The following RIN3 variants were observed in gnomAD, a reference collection of about 807,000 sequenced individuals.
RIN3 encodes Ras and Rab interactor 3.
In RIN3, 54 loss-of-function variants were observed where a neutral mutation model predicts 76.3. The observed-to-expected ratio is 0.71, with a 90% CI of 0.57 to 0.89. The LOEUF (loss-of-function observed/expected upper bound fraction) is 0.89. RIN3 is among the 40% of genes least tolerant of loss of function. The probability of loss-of-function intolerance (pLI) is 0.00; values close to 1 mark genes in which losing one functional copy is unlikely to be tolerated. For synonymous variants in RIN3, 576 were observed against 564.0 expected, an observed-to-expected ratio of 1.02 and a Z score of -0.30; for missense variants, 1,256 against 1,322.1, an observed-to-expected ratio of 0.95 and a Z score of 0.78.
At chr14:92,604,878 G>A (rs1224850298) in intron 3 of RIN3, among the ~76,000 whole-genome samples, 3 of 145,258 alleles carry the variant, frequency 2.1e-5, no homozygotes, top group Non-Finnish European at 4.5e-5. Flanking sequence ...TTCTGTTGAG[G>A]CTTCCTGTCA....
intron 1 of RIN3, among the ~76,000 whole-genome samples, chr14:92,534,913 G>A (rs1896961795): frequency 6.6e-6 from 1 of 152,170 alleles, no homozygotes; most frequent in South Asian, 2.1e-4. Context: ...AAAATTTGGA[G>A]TGTACAGAAA....
chr14:92,615,299 G>A, intron 3 of RIN3, 108 bp from the exon 4 acceptor site: 1 of 879,506 alleles, frequency 1.1e-6, no homozygotes, highest in Non-Finnish European at 1.9e-6. Context: ...ATGGGACCCA[G>A]AATGTGTGCA....
At chr14:92,631,622 G>A (rs571242694) in intron 4 of RIN3, among the ~76,000 whole-genome samples, 1 of 151,214 alleles carries the variant, frequency 6.6e-6, no homozygotes, top group Admixed American at 6.6e-5. Flanking sequence ...GGGAGTGGGG[G>A]TTGGAGTCTC....
Position 92,681,495 on chromosome 14 carries a change from A to G in RIN3, c.2468-3492A>G, listed in dbSNP as rs57046807. ...CTCATTTCCTTTTCACAACTTTATG[A>G]TGTTTGCAGATAAGGAAACTGAGGC... On this transcript the variant is annotated intron_variant, in intron 8 of 9. Coordinates refer to ENST00000216487, the MANE Select transcript of RIN3 (RefSeq NM_024832.5). The surrounding 1 kb of genome is among the most constrained non-coding windows in gnomAD (Gnocchi z 4.7). 0.048 allele frequency among the ~76,000 whole-genome samples: 7,242 copies of G among 152,256 alleles called. 282 individuals are homozygous for G. The highest frequency in any genetic ancestry group is 0.11 in the African/African-American group (4,462 of 41,542).
chr14:92,592,077 G>A (rs1448619749), intron 3 of RIN3, among the ~76,000 whole-genome samples: 1 of 152,128 alleles, frequency 6.6e-6, no homozygotes. Flanking sequence ...ACAAGGAATG[G>A]GAGGAAGAAA....
intron 4 of RIN3, among the ~76,000 whole-genome samples, chr14:92,634,807 G>A (rs751157548): frequency 8.1e-5 from 12 of 147,686 alleles, no homozygotes; most frequent in Non-Finnish European, 1.3e-4. Context: ...GCAGTGAGCC[G>A]AGATCACACC....
At chr14:92,651,454 TC>T (rs1371744673) in intron 5 of RIN3, 127 bp from the exon 6 acceptor site, 38 of 600,030 alleles carry the variant, frequency 6.3e-5, no homozygotes, top group Non-Finnish European at 8.8e-5. Flanking sequence ...AACCTCAACC[TC>T]GGAGTAGTGA....
In RIN3 at chr14:92,623,094, C is replaced by A. The variant is rs1002909949; in HGVS notation, c.440+7615C>A. ...GCTATTGCGATTGCGAGAGAGGTAA[C>A]AATAGAGGCCATGAGTCCTTTCCAT... On this transcript the variant is annotated intron_variant, in intron 4 of 9. Coordinates refer to ENST00000216487, the MANE Select transcript of RIN3 (RefSeq NM_024832.5). The surrounding 1 kb of genome is among the most constrained non-coding windows in gnomAD (Gnocchi z 4.9). 6.6e-6 allele frequency among the ~76,000 whole-genome samples: 1 copy of A among 152,208 alleles called. No individual in the cohort carries two copies. Among genetic ancestry groups the A allele is most frequent in the Non-Finnish European group, 1.5e-5 (1 of 68,036 alleles).
intron 3 of RIN3, among the ~76,000 whole-genome samples, chr14:92,612,679 G>A (rs573852183): frequency 6.6e-6 from 1 of 152,378 alleles, no homozygotes; most frequent in South Asian, 2.1e-4. Context: ...TGTTTGCATA[G>A]TCAGGAATGG....
rs1296817724 is a variant in RIN3, at chr14:92,656,122, A to C, written c.2027-3039A>C. On this transcript the variant is annotated intron_variant, in intron 6 of 9. Transcript: ENST00000216487. This position sits in a 1 kb window ranked among gnomAD's most constrained non-coding sequence, Gnocchi z 5.2. ...TGGAAAACTCCAAGTGGCCCAGAGGAAACTGTGGTCAGCCCTGCCTTCCAG... is the reference window on the plus strand; with the variant it reads ...TGGAAAACTCCAAGTGGCCCAGAGGCAACTGTGGTCAGCCCTGCCTTCCAG... Among the ~76,000 whole-genome samples, 3 of 152,162 alleles carry C rather than the reference A, an allele frequency of 2.0e-5. No individual in the cohort carries two copies. Among genetic ancestry groups the C allele is most frequent in the Non-Finnish European group, 2.9e-5 (2 of 68,008 alleles).
chr14:92,688,318 C>A lies in RIN3; in HGVS notation c.*66C>A. On this transcript the variant is annotated 3_prime_UTR_variant, in exon 10 of 10. Coordinates refer to ENST00000216487, the MANE Select transcript of RIN3 (RefSeq NM_024832.5). ...CTGGCCCCGCCTCTGGCTGCGCACT[C>A]CCGACCGCGACGTCCACGCAGCAGA... The A allele has an allele frequency of 7.1e-7, 1 of 1,402,226 alleles. No individual in the cohort carries two copies. Among genetic ancestry groups the A allele is most frequent in the Non-Finnish European group, 9.4e-7 (1 of 1,058,600 alleles). The allele number at this position is 1,402,226 out of a possible 1,614,324, so 86.9% of individuals were successfully genotyped here. A position where few individuals can be genotyped will look rare whatever the true frequency, so the allele number is the denominator to read the frequency against.
intron 7 of RIN3, among the ~76,000 whole-genome samples, chr14:92,664,078 G>A (rs1887984568): frequency 6.6e-6 from 1 of 152,142 alleles, no homozygotes; most frequent in African/African-American, 2.4e-5. Flanking sequence ...TGAACTCAGT[G>A]GTTTTCAAGA....
chr14:92,662,039 C>T (rs1328972334), intron 7 of RIN3, among the ~76,000 whole-genome samples: 1 of 152,236 alleles, frequency 6.6e-6, no homozygotes, highest in Non-Finnish European at 1.5e-5. Flanking sequence ...GGACAGCCTG[C>T]AGAGCCCAGA....
intron 2 of RIN3, among the ~76,000 whole-genome samples, chr14:92,558,887 C>CTTTTTTTTTTT (rs61202055): frequency 3.1e-5 from 4 of 130,738 alleles, no homozygotes; most frequent in East Asian, 2.2e-4. Context: ...CTTTTCTTTT[C>CTTTTTTTTTTT]TTTTTTTTTT....
At chr14:92,576,228 A>T (rs928162153) in intron 2 of RIN3, 7 of 1,277,216 alleles carry the variant, frequency 5.5e-6, no homozygotes, top group Non-Finnish European at 4.1e-6. Context: ...GCCAAGACTC[A>T]AAGGACATTT....
Position 92,646,286 on chromosome 14 carries a change from G to A in RIN3, c.532+4957G>A, listed in dbSNP as rs1438188909. ...TGCCTGCAGTGGAAAACAGCATGGC[G>A]CCCTTTTGCCAAGGAAGCCTGGATT... On this transcript the variant is annotated intron_variant, in intron 5 of 9. Coordinates refer to ENST00000216487, the MANE Select transcript of RIN3 (RefSeq NM_024832.5). Among the ~76,000 whole-genome samples, 4 of 152,176 alleles carry A rather than the reference G, an allele frequency of 2.6e-5. 1 individual carries two copies. Among genetic ancestry groups the A allele is most frequent in the Admixed American group, 1.3e-4 (2 of 15,290 alleles).
Position 92,685,132 on chromosome 14 carries a change from C to G in RIN3, c.2613C>G (p.Ala871=). The change falls in exon 9 of 10, where the codon GCC becomes GCG. Residue 871 remains alanine, a synonymous_variant. Transcript: ENST00000216487. This position sits in a 1 kb window ranked among gnomAD's most constrained non-coding sequence, Gnocchi z 4.7. ...GGCGTACTCTCAACAAGGCCCGGGC[C>G]TCCCGCTCCTCCGTACAGGTGAGGC... ...ERRRTLNKAR[A]SRSSVQDFIC... 6.2e-7 allele frequency: 1 copy of G among 1,611,800 alleles called. No homozygotes were observed. The highest frequency in any genetic ancestry group is 1.3e-5 in the African/African-American group (1 of 75,026).
Position 92,547,770 on chromosome 14 carries a change from C to G in RIN3, c.45-7981C>G, listed in dbSNP as rs529382299. 2.0e-5 allele frequency among the ~76,000 whole-genome samples: 3 copies of G among 152,196 alleles called. No individual in the cohort carries two copies. In the East Asian group the frequency reaches 5.8e-4, roughly 29 times the overall value. On this transcript the variant is annotated intron_variant, in intron 1 of 9. Coordinates refer to ENST00000216487, the MANE Select transcript of RIN3 (RefSeq NM_024832.5). ...CCAGGCTGGAGTGCAGTGGCACCATCTCAGCTCACTGCAACCTCTGCATCC... is the reference window on the plus strand; with the variant it reads ...CCAGGCTGGAGTGCAGTGGCACCATGTCAGCTCACTGCAACCTCTGCATCC...
At chr14:92,651,342 C>G (rs1401543607) in intron 5 of RIN3, among the ~76,000 whole-genome samples, 1 of 152,158 alleles carries the variant, frequency 6.6e-6, no homozygotes, top group Non-Finnish European at 1.5e-5. Flanking sequence ...TATCACATCA[C>G]CCCCGGCCTC....
Sources: gnomAD v4.1 joint callset for allele counts (sites outside exome capture counted in the v4.1 genomes callset) on GRCh38, gnomAD v4.1.1 for gene constraint, Gnocchi (gnomAD v3.1) non-coding constraint, MANE v1.5 for transcripts, NCBI Gene and HGNC (gene_info 2026-07-23, HGNC 2026-07-21) for gene names.